TENM4: variants seen among roughly 807,000 people sequenced by gnomAD.
TENM4 encodes the protein teneurin-4.
A neutral mutation model predicts 243.3 loss-of-function variants in TENM4; 82 were observed. The observed-to-expected ratio is 0.34, with a 90% CI of 0.28 to 0.40. The LOEUF (loss-of-function observed/expected upper bound fraction) is 0.40, where lower values mean the gene tolerates loss of function less well. Among genes scored for constraint, TENM4 ranks in the 10% least tolerant of loss-of-function variants. The pLI is 1.00. For missense variants in TENM4, 3,138 were observed against 3,673.3 expected, an observed-to-expected ratio of 0.85 and a Z score of 3.77; for synonymous variants, 1,412 against 1,456.3, an observed-to-expected ratio of 0.97 and a Z score of 0.69.
intron 2 of TENM4, among the ~76,000 whole-genome samples, chr11:79,232,371 C>A (rs917727211): frequency 2.0e-5 from 3 of 152,216 alleles, no homozygotes; most frequent in East Asian, 1.9e-4. Flanking sequence ...GCGCAGAAAC[C>A]CTGCACGGGC....
chr11:78,941,679 C>T (rs1393884685), intron 6 of TENM4, among the ~76,000 whole-genome samples: 3 of 152,090 alleles, frequency 2.0e-5, no homozygotes, highest in African/African-American at 4.8e-5. Flanking sequence ...TGGCTCTCAG[C>T]GCCCACCCCA....
intron 13 of TENM4, among the ~76,000 whole-genome samples, chr11:78,813,211 T>C (rs1019721334): frequency 6.6e-6 from 1 of 152,226 alleles, no homozygotes; most frequent in African/African-American, 2.4e-5. Flanking sequence ...CAGACTCTCA[T>C]GGCATAGTAC....
chr11:79,391,264 T>C (rs186367887), intron 1 of TENM4, among the ~76,000 whole-genome samples: 1 of 152,030 alleles, frequency 6.6e-6, no homozygotes, highest in African/African-American at 2.4e-5. Context: ...TTTTTTTCCA[T>C]CATAATTTCA....
chr11:79,189,060 C>A (rs187940939), intron 3 of TENM4, among the ~76,000 whole-genome samples: 2 of 152,006 alleles, frequency 1.3e-5, no homozygotes, highest in Admixed American at 1.3e-4. Flanking sequence ...TTTTAGGGAA[C>A]GTAAAAACAT....
At chr11:78,941,319 GGT>G (rs1264002174) in intron 6 of TENM4, among the ~76,000 whole-genome samples, 1 of 152,358 alleles carries the variant, frequency 6.6e-6, no homozygotes, top group East Asian at 1.9e-4. Flanking sequence ...GCTTAGCAAA[GGT>G]GTTCCTGTGG....
At chr11:79,192,262 G>C (rs1863527957) in intron 3 of TENM4, among the ~76,000 whole-genome samples, 1 of 152,230 alleles carries the variant, frequency 6.6e-6, no homozygotes, top group African/African-American at 2.4e-5. Context: ...CCGTCTGGGA[G>C]GTGTACCCAA....
At chr11:79,058,846 C>T (rs1860013262) in intron 6 of TENM4, among the ~76,000 whole-genome samples, 1 of 152,204 alleles carries the variant, frequency 6.6e-6, no homozygotes, top group Admixed American at 6.5e-5. Context: ...GGCCCAATCC[C>T]TACCCTAGTG....
At chr11:78,803,572 C>T (rs541684715) in intron 15 of TENM4, among the ~76,000 whole-genome samples, 2 of 152,262 alleles carry the variant, frequency 1.3e-5, no homozygotes, top group Non-Finnish European at 2.9e-5. Flanking sequence ...ACACCAGTTA[C>T]GGGGAGTGGT....
chr11:79,043,065 C>A (rs1356754388), intron 6 of TENM4, among the ~76,000 whole-genome samples: 1 of 152,190 alleles, frequency 6.6e-6, no homozygotes, highest in East Asian at 1.9e-4. Context: ...AGACTGCCAG[C>A]AATCCCACCC....
chr11:79,297,235 T>G (rs1856470235), intron 2 of TENM4, among the ~76,000 whole-genome samples: 1 of 152,328 alleles, frequency 6.6e-6, no homozygotes, highest in Admixed American at 6.5e-5. Context: ...TGGCCATGTA[T>G]GGCCTAAAAG....
intron 2 of TENM4, among the ~76,000 whole-genome samples, chr11:79,229,947 C>T (rs901732151): frequency 3.3e-5 from 5 of 151,856 alleles, no homozygotes; most frequent in Non-Finnish European, 7.4e-5. Flanking sequence ...CTGCCTTAGC[C>T]TCCCAAGTTG....
chr11:79,303,324 C>A (rs1204884526), intron 1 of TENM4, among the ~76,000 whole-genome samples: 1 of 152,116 alleles, frequency 6.6e-6, no homozygotes, highest in African/African-American at 2.4e-5. Flanking sequence ...CCTTGGGTGG[C>A]ATATTTAACC....
chr11:78,977,759 G>A (rs1471906320), intron 6 of TENM4, among the ~76,000 whole-genome samples: 1 of 151,762 alleles, frequency 6.6e-6, no homozygotes, highest in Non-Finnish European at 1.5e-5. Flanking sequence ...GTTGGTGGAA[G>A]CGTAAATTAG....
chr11:78,874,183 C>T (rs918128604), intron 9 of TENM4, among the ~76,000 whole-genome samples: 3 of 152,104 alleles, frequency 2.0e-5, no homozygotes, highest in Admixed American at 2.0e-4. Flanking sequence ...CCAGCTCTGG[C>T]CCTTACCAGC....
chr11:79,126,950 G>A (rs1861892032), intron 4 of TENM4, among the ~76,000 whole-genome samples: 1 of 152,128 alleles, frequency 6.6e-6, no homozygotes. Context: ...CTGACTCCAG[G>A]GGACCCAAAA....
intron 1 of TENM4, among the ~76,000 whole-genome samples, chr11:79,299,069 CACACACACACACACACAT>C (rs905154805): frequency 1.3e-5 from 2 of 150,242 alleles, no homozygotes; most frequent in African/African-American, 4.9e-5. Flanking sequence ...TATCCACACA[CACACACACACACACACAT>C]ACACACACAC....
At chr11:79,071,215 G>A (rs995340368) in intron 4 of TENM4, among the ~76,000 whole-genome samples, 23 of 152,176 alleles carry the variant, frequency 1.5e-4, no homozygotes, top group South Asian at 4.1e-4. Context: ...AATATCCTCC[G>A]CAGAGACATA....
At position 79,052,018 on chromosome 11, in the gene TENM4, A is replaced by G. The variant is rs1287357085; in HGVS notation, c.493+12720T>C. ...GTACCACATTTTCTTTATCCAGTCT[A>G]ACATTGATGGACATTTAGGTTGATT... is the stretch of plus-strand genomic sequence containing the variant. On this transcript the variant is annotated intron_variant, in intron 6 of 33. Coordinates refer to ENST00000278550, the MANE Select transcript of TENM4 (RefSeq NM_001098816.3). 3.9e-5 allele frequency among the ~76,000 whole-genome samples: 6 copies of G among 152,216 alleles called. No homozygotes were observed. In the East Asian group the frequency reaches 1.2e-3, roughly 29 times the overall value.
chr11:79,038,650 C>T (rs1163451417), intron 6 of TENM4, among the ~76,000 whole-genome samples: 6 of 152,128 alleles, frequency 3.9e-5, no homozygotes, highest in African/African-American at 1.4e-4. Context: ...TTTTTCTCTT[C>T]CGTTTCATTT....
Sources: allele counts gnomAD v4.1 joint callset (sites outside exome capture counted in the v4.1 genomes callset), GRCh38; gene constraint gnomAD v4.1.1; transcripts MANE v1.5; gene names NCBI Gene and HGNC (gene_info 2026-07-23, HGNC 2026-07-21).